The following NCKAP5 variants were observed in gnomAD, a reference collection of about 807,000 sequenced individuals.
NCKAP5 encodes NCK associated protein 5, also known as nck-associated protein 5.
In NCKAP5, 92 loss-of-function variants were observed where a neutral mutation model predicts 167.0. The observed-to-expected ratio is 0.55, with a 90% CI of 0.47 to 0.66. The LOEUF (loss-of-function observed/expected upper bound fraction) is 0.66. Among genes scored for constraint, NCKAP5 ranks in the 30% least tolerant of loss-of-function variants. NCKAP5 has a pLI of 0.00. For synonymous variants in NCKAP5, 891 were observed against 877.4 expected (o/e 1.02, Z -0.27); for missense variants, 2,378 against 2,315.0 (o/e 1.03, Z -0.56).
intron 6 of NCKAP5, among the ~76,000 whole-genome samples, chr2:133,010,395 C>T (rs528196284): frequency 6.6e-6 from 1 of 152,268 alleles, no homozygotes; most frequent in East Asian, 1.9e-4. Context: ...AATGGAATTA[C>T]ATGCACTTAA....
rs144234774 is a variant in NCKAP5, at chr2:132,754,184, G to A, written c.5128+19632C>T. 6.4e-3 allele frequency among the ~76,000 whole-genome samples: 971 copies of A among 152,174 alleles called. 13 individuals are homozygous for A. Among genetic ancestry groups the A allele is most frequent in the African/African-American group, 0.022 (906 of 41,514 alleles). Reference sequence around the variant, plus strand: ...TATGTATCTGGTCCTGGTGGTAGCTGGCACGATAACATGTTTTTATTGGCT... The same window carrying A: ...TATGTATCTGGTCCTGGTGGTAGCTAGCACGATAACATGTTTTTATTGGCT... On this transcript the variant is annotated intron_variant, in intron 16 of 19. Transcript: ENST00000409261.
intron 2 of NCKAP5, among the ~76,000 whole-genome samples, chr2:133,542,167 C>T (rs1251642061): frequency 6.6e-6 from 1 of 152,100 alleles, no homozygotes; most frequent in Non-Finnish European, 1.5e-5. Context: ...AAAAGCTGTT[C>T]ATGAGATCAC....
chr2:133,472,015 G>A, intron 3 of NCKAP5, among the ~76,000 whole-genome samples: 1 of 152,134 alleles, frequency 6.6e-6, no homozygotes, highest in Middle Eastern at 3.2e-3. Context: ...AGAAGCAATT[G>A]TTATAGACTA....
At chr2:133,147,758 C>G (rs1458416452) in intron 5 of NCKAP5, among the ~76,000 whole-genome samples, 1 of 152,054 alleles carries the variant, frequency 6.6e-6, no homozygotes, top group Non-Finnish European at 1.5e-5. Flanking sequence ...TGTGAAACCC[C>G]AAAGGATAGG....
intron 5 of NCKAP5, among the ~76,000 whole-genome samples, chr2:133,153,929 A>G (rs34272763): frequency 2.1e-5 from 3 of 141,106 alleles, no homozygotes; most frequent in Admixed American, 1.6e-4. Flanking sequence ...TCCTCCCCCC[A>G]AGAAGGGTTC....
intron 6 of NCKAP5, among the ~76,000 whole-genome samples, chr2:133,006,546 C>CT (rs74867640): frequency 0.054 from 8,244 of 152,164 alleles, 466 homozygotes; most frequent in East Asian, 0.34. Context: ...CTTGACTAAA[C>CT]TTGATTCTCA....
intron 16 of NCKAP5, among the ~76,000 whole-genome samples, chr2:132,734,928 C>T (rs1574031905): frequency 6.6e-6 from 1 of 152,232 alleles, no homozygotes; most frequent in African/African-American, 2.4e-5. Context: ...CACAGCATGG[C>T]CCCATGGCTT....
chr2:133,065,329 T>C (rs2080153958), intron 6 of NCKAP5, among the ~76,000 whole-genome samples: 1 of 152,198 alleles, frequency 6.6e-6, no homozygotes, highest in Non-Finnish European at 1.5e-5. Context: ...AGTTTTCCTC[T>C]TCAATAAAAA....
intron 5 of NCKAP5, among the ~76,000 whole-genome samples, chr2:133,170,753 C>T (rs2084214086): frequency 6.6e-6 from 1 of 152,184 alleles, no homozygotes; most frequent in Non-Finnish European, 1.5e-5. Context: ...GCCATGGCTT[C>T]TTCTTTTCTA....
rs1333797712 is a variant in NCKAP5, at chr2:133,568,425, G to C, written c.-339C>G. Reference sequence around the variant, plus strand: ...TGCCGTGAATGCGGAGCAAGTTTGCGGAGACTTGCTCCCTGGGCTGCGGCT... The same window carrying C: ...TGCCGTGAATGCGGAGCAAGTTTGCCGAGACTTGCTCCCTGGGCTGCGGCT... On this transcript the variant is annotated 5_prime_UTR_variant, in exon 1 of 20. Transcript: ENST00000409261. 6 of 152,190 alleles carry C rather than the reference G, an allele frequency of 3.9e-5. No homozygotes were observed. The highest frequency in any genetic ancestry group is 8.8e-5 in the Non-Finnish European group (6 of 68,042). The allele number at this position is 152,190 out of a possible 1,614,324, so 9.4% of individuals were successfully genotyped here. A position where few individuals can be genotyped will look rare whatever the true frequency, so the allele number is the denominator to read the frequency against.
chr2:133,379,071 C>T (rs1686346780), intron 3 of NCKAP5, among the ~76,000 whole-genome samples: 1 of 152,174 alleles, frequency 6.6e-6, no homozygotes, highest in Non-Finnish European at 1.5e-5. Flanking sequence ...TAATGGTAGT[C>T]TTTGTATAAT....
chr2:133,251,101 T>C (rs879570266), intron 4 of NCKAP5, among the ~76,000 whole-genome samples: 1 of 150,498 alleles, frequency 6.6e-6, no homozygotes, highest in African/African-American at 2.4e-5. Context: ...AGCATAACAG[T>C]AATAAGAAAA....
chr2:133,074,349 A>C (rs985748313), intron 6 of NCKAP5, among the ~76,000 whole-genome samples: 1 of 136,600 alleles, frequency 7.3e-6, no homozygotes, highest in African/African-American at 2.7e-5. Flanking sequence ...AATCATACCA[A>C]AAAACCGAAA....
intron 3 of NCKAP5, among the ~76,000 whole-genome samples, chr2:133,373,184 C>T (rs1167906335): frequency 2.0e-5 from 3 of 152,086 alleles, no homozygotes; most frequent in East Asian, 1.9e-4. Context: ...CTCAGCCCCC[C>T]GAGTAGCTGG....
intron 16 of NCKAP5, among the ~76,000 whole-genome samples, chr2:132,736,781 C>G (rs910386511): frequency 1.3e-5 from 2 of 152,100 alleles, no homozygotes; most frequent in Non-Finnish European, 2.9e-5. Flanking sequence ...GAGACTCCGT[C>G]TCAAAACAAA....
intron 3 of NCKAP5, among the ~76,000 whole-genome samples, chr2:133,409,085 G>C (rs1243957888): frequency 1.3e-5 from 2 of 152,250 alleles, no homozygotes; most frequent in African/African-American, 4.8e-5. Flanking sequence ...TAGAGCTGAA[G>C]TGCTGTGAAC....
intron 7 of NCKAP5, among the ~76,000 whole-genome samples, chr2:132,978,603 G>T (rs191154916): frequency 6.6e-6 from 1 of 152,228 alleles, no homozygotes; most frequent in South Asian, 2.1e-4. Flanking sequence ...TGACCATCCT[G>T]ATCACCCCAC....
intron 5 of NCKAP5, among the ~76,000 whole-genome samples, chr2:133,169,437 G>A (rs776669897): frequency 5.9e-5 from 9 of 152,174 alleles, no homozygotes; most frequent in African/African-American, 1.7e-4. Flanking sequence ...GAGCTTTACC[G>A]ACAGAACAGC....
chr2:133,098,244 A>G (rs1439920584), intron 6 of NCKAP5, among the ~76,000 whole-genome samples: 1 of 152,226 alleles, frequency 6.6e-6, no homozygotes, highest in Non-Finnish European at 1.5e-5. Context: ...CAACATCTGC[A>G]AACTTGAATG....
Sources: allele counts gnomAD v4.1 joint callset (sites outside exome capture counted in the v4.1 genomes callset), GRCh38; gene constraint gnomAD v4.1.1; transcripts MANE v1.5; gene names NCBI Gene and HGNC (gene_info 2026-07-23, HGNC 2026-07-21).